Variants in TNNI3K observed in about 807,000 individuals in gnomAD.
The protein encoded by TNNI3K is serine/threonine-protein kinase TNNI3K.
In TNNI3K, 140 loss-of-function variants were observed where a neutral mutation model predicts 114.5. The observed-to-expected ratio is 1.22, with a 90% CI of 1.07 to 1.41. The LOEUF is 1.41. Among genes scored for constraint, TNNI3K ranks in the 40% most tolerant of loss-of-function variants. The pLI, the probability that TNNI3K is intolerant of heterozygous loss-of-function variation, is 0.00. For synonymous variants in TNNI3K, 347 were observed against 347.5 expected (o/e 1.00, Z 0.02); for missense variants, 1,125 against 1,007.6 (o/e 1.12, Z -1.58).
chr1:74,401,637 G>A (rs1664369439), intron 17 of TNNI3K, among the ~76,000 whole-genome samples: 1 of 152,090 alleles, frequency 6.6e-6, no homozygotes, highest in African/African-American at 2.4e-5. Context: ...TTGCTGGAGA[G>A]GCAATTGCTC....
chr1:74,407,205 T>A (rs1196359886), intron 17 of TNNI3K, among the ~76,000 whole-genome samples: 1 of 152,194 alleles, frequency 6.6e-6, no homozygotes, highest in Non-Finnish European at 1.5e-5. Flanking sequence ...CAGCTAATGA[T>A]AGTGTGGTTA....
intron 17 of TNNI3K, among the ~76,000 whole-genome samples, chr1:74,397,626 G>A (rs1664151643): frequency 6.6e-6 from 1 of 152,044 alleles, no homozygotes; most frequent in African/African-American, 2.4e-5. Flanking sequence ...GGAAAATGAG[G>A]AGGCATCAAA....
intron 23 of TNNI3K, among the ~76,000 whole-genome samples, chr1:74,521,819 T>C (rs1296678427): frequency 6.6e-6 from 1 of 152,172 alleles, no homozygotes; most frequent in Non-Finnish European, 1.5e-5. Context: ...TACTGAAATG[T>C]TAAGTGTTTT....
intron 2 of TNNI3K, chr1:74,239,938 CTT>C: frequency 4.3e-6 from 2 of 469,616 alleles, no homozygotes; most frequent in South Asian, 3.1e-5. Context: ...TCACTCATAA[CTT>C]TGGACATTTG....
chr1:74,480,990 C>G, intron 21 of TNNI3K: 1 of 693,326 alleles, frequency 1.4e-6, no homozygotes, highest in Non-Finnish European at 2.7e-6. Flanking sequence ...AAAGCACAGA[C>G]TAGATGCAGG....
intron 4 of TNNI3K, among the ~76,000 whole-genome samples, chr1:74,260,233 G>T (rs1280284404): frequency 6.6e-6 from 1 of 152,066 alleles, no homozygotes; most frequent in African/African-American, 2.4e-5. Flanking sequence ...TCAAATGTTG[G>T]TCTGTGAACT....
chr1:74,265,506 G>A (rs988741587), intron 4 of TNNI3K, among the ~76,000 whole-genome samples: 2 of 151,812 alleles, frequency 1.3e-5, no homozygotes, highest in Non-Finnish European at 2.9e-5. Context: ...AGCTGCCAGT[G>A]AACTACCATC....
At chr1:74,265,525 C>T (rs1655921201) in intron 4 of TNNI3K, among the ~76,000 whole-genome samples, 1 of 152,064 alleles carries the variant, frequency 6.6e-6, no homozygotes, top group South Asian at 2.1e-4. Context: ...TCCTGCCACA[C>T]TCTTCATAAA....
Position 74,540,312 on chromosome 1 carries a change from T to C in TNNI3K, c.2430T>C (p.Tyr810=). The change falls in exon 24 of 25, where the codon TAT becomes TAC. Residue 810 remains tyrosine (Y), a splice_region_variant and synonymous_variant. Transcript: ENST00000326637. ...RSLQYTPIDK[Y]GYVSDPMSSM... is the part of the protein sequence containing the mutation. ...TTCAATACACACCCATTGACAAATATGGTAAGTAGGCAGATTCTTTAGGTT... is the reference window on the plus strand; with the variant it reads ...TTCAATACACACCCATTGACAAATACGGTAAGTAGGCAGATTCTTTAGGTT... 2 of 1,611,060 alleles carry C rather than the reference T, an allele frequency of 1.2e-6. No homozygotes were observed. Among genetic ancestry groups the C allele is most frequent in the South Asian group, 1.1e-5 (1 of 90,704 alleles).
intron 23 of TNNI3K, among the ~76,000 whole-genome samples, chr1:74,528,937 C>G (rs1646543707): frequency 6.6e-6 from 1 of 152,160 alleles, no homozygotes; most frequent in South Asian, 2.1e-4. Flanking sequence ...CATCTTGCAC[C>G]AGAAAGGAGA....
At chr1:74,287,913 A>C (rs1235136475) in intron 5 of TNNI3K, among the ~76,000 whole-genome samples, 1 of 152,162 alleles carries the variant, frequency 6.6e-6, no homozygotes, top group Admixed American at 6.6e-5. Context: ...TTCCAATCTA[A>C]AAATGTGCAA....
chr1:74,338,076 A>G (rs1343004336), intron 7 of TNNI3K, among the ~76,000 whole-genome samples: 1 of 152,036 alleles, frequency 6.6e-6, no homozygotes, highest in Non-Finnish European at 1.5e-5. Context: ...ACATATATAT[A>G]TGAGAGAATT....
intron 23 of TNNI3K, among the ~76,000 whole-genome samples, chr1:74,505,248 C>A (rs1374367721): frequency 6.6e-6 from 1 of 152,196 alleles, no homozygotes; most frequent in East Asian, 1.9e-4. Context: ...TCTGACAGGA[C>A]AAGCACAGGG....
At chr1:74,485,496 G>C (rs1044851530) in intron 21 of TNNI3K, among the ~76,000 whole-genome samples, 1 of 152,156 alleles carries the variant, frequency 6.6e-6, no homozygotes, top group Non-Finnish European at 1.5e-5. Flanking sequence ...GTGATAAGCA[G>C]GATTCTAACA....
chr1:74,522,002 A>G (rs1646439440), intron 23 of TNNI3K, among the ~76,000 whole-genome samples: 1 of 152,204 alleles, frequency 6.6e-6, no homozygotes, highest in Non-Finnish European at 1.5e-5. Flanking sequence ...AAAAAAATTC[A>G]GATGAGGGAG....
At chr1:74,370,237 G>T (rs1210880977) in intron 16 of TNNI3K, 51 bp from the exon 17 acceptor site, 1 of 1,473,552 alleles carries the variant, frequency 6.8e-7, no homozygotes, top group Admixed American at 2.2e-5. Context: ...TTGCTTTTTT[G>T]ATATTCGTTT....
intron 5 of TNNI3K, among the ~76,000 whole-genome samples, chr1:74,298,946 T>C (rs1318951599): frequency 1.3e-5 from 2 of 152,164 alleles, no homozygotes; most frequent in African/African-American, 4.8e-5. Context: ...TAATTTAAAC[T>C]TGTTTTTGGA....
intron 23 of TNNI3K, among the ~76,000 whole-genome samples, chr1:74,529,581 A>G (rs189643568): frequency 6.6e-6 from 1 of 152,350 alleles, no homozygotes; most frequent in East Asian, 1.9e-4. Context: ...GGCGTCTGAG[A>G]GTAGATGGAA....
intron 20 of TNNI3K, among the ~76,000 whole-genome samples, chr1:74,450,546 C>A (rs545685786): frequency 4.6e-5 from 7 of 151,972 alleles, no homozygotes; most frequent in African/African-American, 1.7e-4. Context: ...TGGACTTAAA[C>A]AAATTTACAT....
Sources: gnomAD v4.1 joint callset for allele counts (sites outside exome capture counted in the v4.1 genomes callset) on GRCh38, gnomAD v4.1.1 for gene constraint, MANE v1.5 for transcripts, NCBI Gene and HGNC (gene_info 2026-07-23, HGNC 2026-07-21) for gene names.